Variants in PPP2R1B observed in about 807,000 individuals in gnomAD.
PPP2R1B encodes serine/threonine-protein phosphatase 2A 65 kDa regulatory subunit A beta isoform.
Under a neutral mutation model 72.7 loss-of-function variants are expected in PPP2R1B, and 58 were observed. That is an observed-to-expected ratio of 0.80 (90% CI 0.65 to 0.99). The LOEUF is 0.99. Among genes scored for constraint, PPP2R1B ranks in the 50% least tolerant of loss-of-function variants. The probability of loss-of-function intolerance (pLI) is 0.00; values close to 1 mark genes in which losing one functional copy is unlikely to be tolerated. For missense variants in PPP2R1B, 695 were observed against 733.6 expected (o/e 0.95, Z 0.61); for synonymous variants, 256 against 264.6 (o/e 0.97, Z 0.32).
the PPP2R1B span, among the ~76,000 whole-genome samples, chr11:111,710,327 A>G: frequency 6.6e-6 from 1 of 152,190 alleles, no homozygotes; most frequent in Non-Finnish European, 1.5e-5. Flanking sequence ...AATGGTATGC[A>G]GTTGTTTACT....
chr11:111,757,835 C>CAAAAA (rs1334506925), intron 5 of PPP2R1B, among the ~76,000 whole-genome samples: 1 of 103,056 alleles, frequency 9.7e-6, no homozygotes, highest in Non-Finnish European at 2.1e-5. Flanking sequence ...AACTCCATCT[C>CAAAAA]AAAAAAAAAA....
At chr11:111,737,819 C>T (rs1203153245), downstream of PPP2R1B, 3 of 1,296,576 alleles carry the variant, frequency 2.3e-6, no homozygotes, top group Non-Finnish European at 3.0e-6. Flanking sequence ...CTGGCTGTTC[C>T]CCACATCCTG....
chr11:111,719,036 C>A, the PPP2R1B span, among the ~76,000 whole-genome samples: 1 of 152,222 alleles, frequency 6.6e-6, no homozygotes, highest in Non-Finnish European at 1.5e-5. Context: ...GGATAGGAAC[C>A]ATCGATAACG....
the PPP2R1B span, chr11:111,718,728 A>G: frequency 6.6e-6 from 1 of 152,188 alleles, no homozygotes; most frequent in Non-Finnish European, 1.5e-5. Context: ...CCTGCTTCCA[A>G]AGGAAACAGT....
At chr11:111,700,334 T>C in the PPP2R1B span, among the ~76,000 whole-genome samples, 1 of 152,204 alleles carries the variant, frequency 6.6e-6, no homozygotes, top group Non-Finnish European at 1.5e-5. Flanking sequence ...TAATGAGCTA[T>C]TCAGATGGTT....
In PPP2R1B at chr11:111,743,409, G is replaced by C; in HGVS notation, c.1521C>G (p.Tyr507Ter). Residue 507 changes from tyrosine to a stop codon, truncating the protein, a stop_gained, in exon 12 of 15, where the codon TAC (tyrosine) becomes TAG (stop). Coordinates refer to ENST00000527614, the MANE Select transcript of PPP2R1B (RefSeq NM_002716.5). LOFTEE classifies it high-confidence loss of function. ...KVLVMANDPNYLHRMTTLFCI... is the reference protein window; with the variant it reads ...KVLVMANDPN ...AGAATAAAGTGGTCATTCTATGCAAGTAATTAGGATCATTTGCCATTACTA... is the reference window on the plus strand; with the variant it reads ...AGAATAAAGTGGTCATTCTATGCAACTAATTAGGATCATTTGCCATTACTA... 1 of 1,612,760 alleles carries C rather than the reference G, an allele frequency of 6.2e-7. No homozygotes were observed. The highest frequency in any genetic ancestry group is 8.5e-7 in the Non-Finnish European group (1 of 1,178,896).
chr11:111,743,541 G>C lies in PPP2R1B; in HGVS notation c.1400-11C>G, dbSNP rs778722808. 6.3e-7 allele frequency: 1 copy of C among 1,588,556 alleles called. No individual in the cohort carries two copies. The highest frequency in any genetic ancestry group is 8.5e-7 in the Non-Finnish European group (1 of 1,171,838). ...CTCGGATGGCGTATACTGCAGAAGA[G>C]GTCAAAAACATGTTCTCATATCGCT... is the stretch of plus-strand genomic sequence containing the variant. On this transcript the variant is annotated splice_polypyrimidine_tract_variant and intron_variant, in intron 11 of 14. Coordinates refer to ENST00000527614, the MANE Select transcript of PPP2R1B (RefSeq NM_002716.5).
At position 111,739,980 on chromosome 11, in the gene PPP2R1B, T is replaced by TAGGACAAA; in HGVS notation, c.*1615_*1616insTTTGTCCT. The TAGGACAAA allele has an allele frequency of 2.0e-6, 2 of 980,538 alleles. No individual in the cohort carries two copies. The highest frequency in any genetic ancestry group is 9.4e-5 in the South Asian group (2 of 21,176). The allele number at this position is 980,538 out of a possible 1,614,324, so 60.7% of individuals were successfully genotyped here. ...TTCGAATGTAGGACAAATTTTAAAG[T>TAGGACAAA]ATTTAGTAAAACTTGGTTTTATGTA... On this transcript the variant is annotated 3_prime_UTR_variant, in exon 15 of 15. Transcript: ENST00000527614.
the PPP2R1B span, among the ~76,000 whole-genome samples, chr11:111,703,050 T>C: frequency 2.0e-5 from 3 of 152,240 alleles, no homozygotes; most frequent in East Asian, 5.8e-4. Flanking sequence ...GAAATATAAG[T>C]AGCCTGCATG....
chr11:111,764,350 T>C (rs112323233), intron 3 of PPP2R1B, among the ~76,000 whole-genome samples: 1,931 of 152,178 alleles, frequency 0.013, 41 homozygotes, highest in African/African-American at 0.043. Context: ...CCCCCTCACA[T>C]TGGTCTTCTT....
At chr11:111,714,768 G>A in the PPP2R1B span, among the ~76,000 whole-genome samples, 1 of 152,184 alleles carries the variant, frequency 6.6e-6, no homozygotes, top group Non-Finnish European at 1.5e-5. Context: ...GCTGCCACAA[G>A]CCAGTGTTGA....
chr11:111,743,264 A>G, intron 12 of PPP2R1B, 112 bp downstream of exon 12: 2 of 1,077,112 alleles, frequency 1.9e-6, no homozygotes, highest in Non-Finnish European at 2.6e-6. Context: ...CCAATTAATC[A>G]ATACAAGACA....
At chr11:111,734,154 G>A (rs1281577427), downstream of PPP2R1B, among the ~76,000 whole-genome samples, 1 of 152,190 alleles carries the variant, frequency 6.6e-6, no homozygotes, top group Non-Finnish European at 1.5e-5. Flanking sequence ...CTCCCCTGGA[G>A]GGCTGTCACA....
At chr11:111,742,318 AG>A in intron 13 of PPP2R1B, 174 bp from the exon 14 acceptor site, 2 of 616,840 alleles carry the variant, frequency 3.2e-6, no homozygotes, top group South Asian at 4.4e-5. Context: ...AATCAGCTTC[AG>A]ACAAGGATCT....
intron 5 of PPP2R1B, 118 bp downstream of exon 5, chr11:111,759,686 T>A (rs1176929264): frequency 8.8e-7 from 1 of 1,131,800 alleles, no homozygotes. Flanking sequence ...CAGGCCAGAA[T>A]CAGCACTAAT....
chr11:111,763,340 G>T (rs1945396558), intron 3 of PPP2R1B, among the ~76,000 whole-genome samples: 1 of 152,168 alleles, frequency 6.6e-6, no homozygotes, highest in South Asian at 2.1e-4. Flanking sequence ...TTCTCATGCA[G>T]TACCACTGGG....
rs182835601 is a variant in PPP2R1B at position 111,753,104 on chromosome 11, T to C, written c.1164+339A>G. Reference sequence around the variant, plus strand: ...CCATGTAGTAATTACTCAGTAAATATTAGGTATCATTATAATTTTTGATAC... The same window carrying C: ...CCATGTAGTAATTACTCAGTAAATACTAGGTATCATTATAATTTTTGATAC... On this transcript the variant is annotated intron_variant, in intron 9 of 14. Transcript: ENST00000527614. Among the ~76,000 whole-genome samples, 7 of 152,312 alleles carry C rather than the reference T, an allele frequency of 4.6e-5. No homozygotes were observed. In the East Asian group the frequency reaches 1.3e-3, roughly 29 times the overall value.
chr11:111,750,541 A>G (rs963626575), intron 10 of PPP2R1B, among the ~76,000 whole-genome samples: 1 of 152,140 alleles, frequency 6.6e-6, no homozygotes, highest in Non-Finnish European at 1.5e-5. Context: ...CTGGAAATAA[A>G]ATACAGTCCC....
At chr11:111,709,284 G>C in the PPP2R1B span, among the ~76,000 whole-genome samples, 1 of 152,142 alleles carries the variant, frequency 6.6e-6, no homozygotes, top group Non-Finnish European at 1.5e-5. Flanking sequence ...TGTGGGATCA[G>C]GGCCCCAACC....
Sources: gnomAD v4.1 joint callset for allele counts (sites outside exome capture counted in the v4.1 genomes callset) on GRCh38, gnomAD v4.1.1 for gene constraint, MANE v1.5 for transcripts, NCBI Gene and HGNC (gene_info 2026-07-23, HGNC 2026-07-21) for gene names.